Variants in MEDAG observed in about 807,000 individuals in gnomAD.
The protein encoded by MEDAG is mesenteric estrogen-dependent adipogenesis protein.
MEDAG carries 25 observed loss-of-function variants against 29.9 expected under a neutral mutation model. That is an observed-to-expected ratio of 0.84 (90% CI 0.61 to 1.17). The LOEUF (loss-of-function observed/expected upper bound fraction) is 1.17. Among genes scored for constraint, MEDAG ranks in the 50% most tolerant of loss-of-function variants. MEDAG has a pLI of 0.00. For missense variants in MEDAG, 398 were observed against 372.9 expected (o/e 1.07, Z -0.56); for synonymous variants, 158 against 148.2 (o/e 1.07, Z -0.48).
At chr13:30,922,015 T>C in intron 4 of MEDAG, 169 bp downstream of exon 4, 1 of 679,774 alleles carries the variant, frequency 1.5e-6, no homozygotes, top group Middle Eastern at 4.2e-4. Context: ...CAAAAACAAA[T>C]GCAGTGACTT....
rs767183130 is a variant in MEDAG at position 30,906,527 on chromosome 13, G to T, written c.12G>T (p.Ala4=). Residue 4 remains alanine (A), a synonymous_variant, in exon 1 of 5, where the codon GCG becomes GCT. Coordinates refer to ENST00000380482, the MANE Select transcript of MEDAG (RefSeq NM_032849.4). MAG[A]ACEPVARPSL... ...CCGACGACGCGGGCATGGCGGGGGC[G>T]GCCTGCGAGCCGGTGGCCAGGCCGA... 2 of 1,511,904 alleles carry T rather than the reference G, an allele frequency of 1.3e-6. No homozygotes were observed. Among genetic ancestry groups the T allele is most frequent in the African/African-American group, 1.4e-5 (1 of 69,848 alleles). 93.7% of individuals were successfully genotyped at this position (1,511,904 alleles called of 1,614,324 possible). A position where few individuals can be genotyped will look rare whatever the true frequency, so the allele number is the denominator to read the frequency against.
chr13:30,921,867 G>A, intron 4 of MEDAG, 21 bp downstream of exon 4: 3 of 1,575,594 alleles, frequency 1.9e-6, no homozygotes. Flanking sequence ...AATTCCGAAG[G>A]ATATGTGGAA....
At chr13:30,911,775 T>C (rs991500895) in intron 1 of MEDAG, among the ~76,000 whole-genome samples, 2 of 152,182 alleles carry the variant, frequency 1.3e-5, no homozygotes, top group African/African-American at 4.8e-5. Context: ...GACCATGTCT[T>C]AGACCAGTGC....
At position 30,924,483 on chromosome 13, in the gene MEDAG, A is replaced by G; in HGVS notation, c.*48A>G. ...TGCTCCCGCACTCCAGGCCTGTGCT[A>G]GACTATAGGCTGGGGGGAGGGTAGG... On this transcript the variant is annotated 3_prime_UTR_variant, in exon 5 of 5. Coordinates refer to ENST00000380482, the MANE Select transcript of MEDAG (RefSeq NM_032849.4). 1 of 1,579,614 alleles carries G rather than the reference A, an allele frequency of 6.3e-7. No homozygotes were observed. The highest frequency in any genetic ancestry group is 8.6e-7 in the Non-Finnish European group (1 of 1,160,758).
At chr13:30,920,391 C>T (rs1402346240) in intron 2 of MEDAG, among the ~76,000 whole-genome samples, 1 of 151,930 alleles carries the variant, frequency 6.6e-6, no homozygotes, top group Non-Finnish European at 1.5e-5. Context: ...TTCAAGACCA[C>T]CCTGGGCAAC....
chr13:30,912,117 C>G (rs745935744), intron 1 of MEDAG, among the ~76,000 whole-genome samples: 18 of 152,206 alleles, frequency 1.2e-4, no homozygotes, highest in Admixed American at 7.9e-4. Flanking sequence ...TCTGCCCCAT[C>G]AGAGTTTTAC....
chr13:30,917,374 C>A, intron 1 of MEDAG, 29 bp from the exon 2 acceptor site: 2 of 1,280,564 alleles, frequency 1.6e-6, no homozygotes, highest in Non-Finnish European at 2.3e-6. Flanking sequence ...GGGTACGTTA[C>A]ATTTGCAATG....
intron 2 of MEDAG, among the ~76,000 whole-genome samples, chr13:30,920,351 C>T (rs1043930170): frequency 1.3e-5 from 2 of 151,982 alleles, no homozygotes; most frequent in African/African-American, 2.4e-5. Flanking sequence ...TTTGGGAGGC[C>T]GTGGCTGGCA....
At chr13:30,920,590 T>TAA (rs113574327) in intron 2 of MEDAG, among the ~76,000 whole-genome samples, 1 of 133,662 alleles carries the variant, frequency 7.5e-6, no homozygotes. Context: ...CTTAAAAAAA[T>TAA]AAAAAAAAAA....
chr13:30,913,178 T>C (rs1453376783), intron 1 of MEDAG, among the ~76,000 whole-genome samples: 1 of 152,188 alleles, frequency 6.6e-6, no homozygotes, highest in African/African-American at 2.4e-5. Flanking sequence ...CCCATTACAT[T>C]GTCCTGCTGG....
At chr13:30,908,386 C>A (rs1952849606) in intron 1 of MEDAG, among the ~76,000 whole-genome samples, 1 of 152,208 alleles carries the variant, frequency 6.6e-6, no homozygotes, top group Non-Finnish European at 1.5e-5. Flanking sequence ...CAAGGAGCCT[C>A]TGAAAATAAT....
At chr13:30,922,000 A>T in intron 4 of MEDAG, 154 bp downstream of exon 4, 1 of 789,294 alleles carries the variant, frequency 1.3e-6, no homozygotes. Context: ...GGGCATGTTT[A>T]TTACCAAAAA....
At position 30,921,760 on chromosome 13, in the gene MEDAG, C is replaced by T. The variant is rs780585256; in HGVS notation, c.701C>T (p.Thr234Met). The T allele has an allele frequency of 3.9e-5, 63 of 1,613,518 alleles. No individual in the cohort carries two copies. The highest frequency in any genetic ancestry group is 6.6e-5 in the South Asian group (6 of 90,886). ...LSSTSPEKKE[T>M]IKLFLEKMSE... ...AGTACAAGTCCAGAAAAGAAGGAGA[C>T]GATTAAGTTATTTCTGGAAAAAATG... The change falls in exon 4 of 5, where the codon ACG becomes ATG. Residue 234 changes from threonine to methionine, a missense_variant. Transcript: ENST00000380482.
intron 1 of MEDAG, chr13:30,916,329 C>G (rs967656868): frequency 6.6e-6 from 1 of 152,234 alleles, no homozygotes; most frequent in South Asian, 2.1e-4. Flanking sequence ...GCTGTTTTCT[C>G]GCCAAGGCTG....
chr13:30,917,755 A>T (rs1262217418), intron 2 of MEDAG, among the ~76,000 whole-genome samples: 3 of 151,990 alleles, frequency 2.0e-5, no homozygotes, highest in Admixed American at 6.5e-5. Flanking sequence ...AAACAACCAG[A>T]TCTAGCAAGA....
intron 1 of MEDAG, among the ~76,000 whole-genome samples, chr13:30,915,496 A>G (rs1379916553): frequency 6.6e-6 from 1 of 152,114 alleles, no homozygotes; most frequent in Non-Finnish European, 1.5e-5. Context: ...GACTCAATGA[A>G]GTTACTCAGT....
rs1425601715 is a variant in MEDAG, at chr13:30,921,856, A to G, written c.787+10A>G. The G allele has an allele frequency of 6.3e-7, 1 of 1,584,164 alleles. No homozygotes were observed. The highest frequency in any genetic ancestry group is 8.6e-7 in the Non-Finnish European group (1 of 1,169,270). On this transcript the variant is annotated intron_variant, in intron 4 of 4. Coordinates refer to ENST00000380482, the MANE Select transcript of MEDAG (RefSeq NM_032849.4). ...AGTGTAACTTCCAGAGGTATGTTAA[A>G]AATTCCGAAGGATATGTGGAAGGTA...
chr13:30,921,018 G>T lies in MEDAG; in HGVS notation c.393G>T (p.Arg131Ser). 1.2e-6 allele frequency: 2 copies of T among 1,613,238 alleles called. No individual in the cohort carries two copies. Among genetic ancestry groups the T allele is most frequent in the Non-Finnish European group, 1.7e-6 (2 of 1,179,522 alleles). The change falls in exon 3 of 5, where the codon AGG becomes AGT. Residue 131 changes from arginine (R) to serine (S), a missense_variant. Coordinates refer to ENST00000380482, the MANE Select transcript of MEDAG (RefSeq NM_032849.4). ...VQTKKDTSKE[R>S]TYAFLVNTRH... ...ATTCTGCTTGCTAATTTCTAGAAAG[G>T]ACGTACGCGTTTCTTGTAAACACGA...
At chr13:30,920,590 TA>T (rs113574327) in intron 2 of MEDAG, among the ~76,000 whole-genome samples, 15,261 of 133,256 alleles carry the variant, frequency 0.11, 788 homozygotes, top group African/African-American at 0.16. Flanking sequence ...CTTAAAAAAA[TA>T]AAAAAAAAAA....
Sources: allele counts gnomAD v4.1 joint callset (sites outside exome capture counted in the v4.1 genomes callset), GRCh38; gene constraint gnomAD v4.1.1; transcripts MANE v1.5; gene names NCBI Gene and HGNC (gene_info 2026-07-23, HGNC 2026-07-21).